Variants in DOCK11 observed in about 807,000 individuals in gnomAD.
DOCK11 encodes dedicator of cytokinesis protein 11.
DOCK11 carries 70 observed loss-of-function variants against 169.1 expected under a neutral mutation model. That is an observed-to-expected ratio of 0.41 (90% CI 0.34 to 0.51). DOCK11 has a LOEUF of 0.51. DOCK11 is among the 20% of genes least tolerant of loss of function. DOCK11 has a pLI of 0.10. For missense variants in DOCK11, 1,166 were observed against 1,538.8 expected (o/e 0.76, Z 4.05); for synonymous variants, 529 against 541.3 (o/e 0.98, Z 0.32).
intron 1 of DOCK11, among the ~76,000 whole-genome samples, chrX:118,505,333 G>C (rs890004985): frequency 3.6e-5 from 4 of 112,419 alleles, no homozygotes; most frequent in Non-Finnish European, 7.5e-5. Context: ...AGCCTTGAGT[G>C]AGTTATTATA....
At chrX:118,542,648 T>G in intron 1 of DOCK11, 77 bp from the exon 2 acceptor site, 1 of 711,149 alleles carries the variant, frequency 1.4e-6, no homozygotes, top group African/African-American at 2.1e-5. Context: ...TGAGAAGTAA[T>G]GTATCTTTAG....
chrX:118,572,419 A>C lies in DOCK11; in HGVS notation c.1132A>C (p.Ile378Leu). ...GAATTGCCATGATTTAACTTTCAATATCTTGGGCCAAATTGGAGACAATGC... is the reference window on the plus strand; with the variant it reads ...GAATTGCCATGATTTAACTTTCAATCTCTTGGGCCAAATTGGAGACAATGC... The part of the protein sequence containing the change: ...LVNCHDLTFN[I>L]LGQIGDNAKG... The change falls in exon 11 of 53, where the codon ATC becomes CTC. Residue 378 changes from isoleucine to leucine, a missense_variant. Transcript: ENST00000276202. 1 of 1,206,322 alleles carries C rather than the reference A, an allele frequency of 8.3e-7. No homozygotes were observed. The highest frequency in any genetic ancestry group is 1.1e-6 in the Non-Finnish European group (1 of 892,342).
chrX:118,558,713 CAT>C lies in DOCK11; in HGVS notation c.559-2668_559-2667del, dbSNP rs1417430980. Among the ~76,000 whole-genome samples the C allele has an allele frequency of 1.5e-4, 17 of 112,289 alleles. No individual in the cohort carries two copies. In the Admixed American group the frequency reaches 1.6e-3, roughly 11 times the overall value. ...GTTGTTGGGCAGAGTCTGATTTCTA[CAT>C]AGAGATGACTTTTAAAAATATTCCT... On this transcript the variant is annotated intron_variant, in intron 6 of 52. Coordinates refer to ENST00000276202, the MANE Select transcript of DOCK11 (RefSeq NM_144658.4).
chrX:118,682,986 C>A, intron 51 of DOCK11, 93 bp from the exon 52 acceptor site: 1 of 870,873 alleles, frequency 1.1e-6, no homozygotes, highest in Non-Finnish European at 1.6e-6. Context: ...TCTTCCTAGG[C>A]AAGCCATGGC....
chrX:118,612,106 C>G (rs2014698651), intron 28 of DOCK11, among the ~76,000 whole-genome samples: 1 of 111,951 alleles, frequency 8.9e-6, no homozygotes, highest in Non-Finnish European at 1.9e-5. Context: ...TCCATTCTCC[C>G]TCTCTTCATT....
intron 49 of DOCK11, 127 bp from the exon 50 acceptor site, chrX:118,680,931 T>C: frequency 6.0e-6 from 4 of 661,482 alleles, no homozygotes; most frequent in Non-Finnish European, 9.1e-6. Context: ...AAGTACTATA[T>C]GGGACCCTAA....
At chrX:118,617,547 A>C (rs1181753040) in intron 30 of DOCK11, among the ~76,000 whole-genome samples, 2 of 109,595 alleles carry the variant, frequency 1.8e-5, no homozygotes. Flanking sequence ...CTTATAAAGC[A>C]AGTCCCAACC....
intron 23 of DOCK11, among the ~76,000 whole-genome samples, chrX:118,600,997 A>G (rs1381626806): frequency 9.0e-6 from 1 of 111,724 alleles, no homozygotes; most frequent in Non-Finnish European, 1.9e-5. Context: ...TTTGGACAGA[A>G]GTGTGACATG....
At chrX:118,553,237 A>G (rs1410991193) in intron 6 of DOCK11, among the ~76,000 whole-genome samples, 4 of 112,140 alleles carry the variant, frequency 3.6e-5, no homozygotes, top group Admixed American at 9.5e-5. Flanking sequence ...TTTCATATCA[A>G]TGAAGGAATT....
rs145509866 is a variant in DOCK11 at position 118,676,703 on chromosome X, C to G, written c.5426C>G (p.Thr1809Arg). Residue 1809 changes from threonine (T) to arginine (R), a missense_variant, in exon 48 of 53, where the codon ACG becomes AGG. Coordinates refer to ENST00000276202, the MANE Select transcript of DOCK11 (RefSeq NM_144658.4). ...AAACTTTATGGTGAAAAGTTTGGTA[C>G]GGAGAATGTCAAAATAATTCAGGAT... ...LVKLYGEKFG[T>R]ENVKIIQDSD... 8.3e-7 allele frequency: 1 copy of G among 1,201,482 alleles called. No individual in the cohort carries two copies.
At chrX:118,606,020 A>C (rs1348397370) in intron 24 of DOCK11, among the ~76,000 whole-genome samples, 2 of 110,506 alleles carry the variant, frequency 1.8e-5, no homozygotes, top group Admixed American at 1.9e-4. Context: ...TCAATATAGC[A>C]GCCACCAGCC....
chrX:118,547,289 G>T (rs945767666), intron 6 of DOCK11, among the ~76,000 whole-genome samples: 3 of 111,545 alleles, frequency 2.7e-5, no homozygotes, highest in Non-Finnish European at 5.7e-5. Flanking sequence ...AGAAACCGTG[G>T]GTATCTACCA....
At chrX:118,583,446 C>T (rs1217882568) in intron 14 of DOCK11, among the ~76,000 whole-genome samples, 2 of 110,543 alleles carry the variant, frequency 1.8e-5, no homozygotes, top group Admixed American at 9.6e-5. Context: ...TTTATATATA[C>T]ACACATATAT....
Position 118,552,544 on chromosome X carries a change from G to T in DOCK11, c.558+6428G>T, listed in dbSNP as rs113405075. ...TAATCTGTACCACCTTCTGAAATGG[G>T]CATATTTTCCCAGAAGTGCTTGCTG... On this transcript the variant is annotated intron_variant, in intron 6 of 52. Coordinates refer to ENST00000276202, the MANE Select transcript of DOCK11 (RefSeq NM_144658.4). Among the ~76,000 whole-genome samples the T allele has an allele frequency of 4.8e-3, 544 of 112,483 alleles. 4 individuals are homozygous for T. The highest frequency in any genetic ancestry group is 0.016 in the African/African-American group (489 of 31,044).
chrX:118,637,861 T>C (rs1001326298), intron 36 of DOCK11, among the ~76,000 whole-genome samples: 1 of 111,677 alleles, frequency 9.0e-6, no homozygotes, highest in Non-Finnish European at 1.9e-5. Context: ...TCATTAAAAT[T>C]GTATATGAAA....
chrX:118,624,790 G>A (rs1270137030), intron 32 of DOCK11, 135 bp downstream of exon 32: 8 of 403,850 alleles, frequency 2.0e-5, no homozygotes, highest in South Asian at 1.7e-4. Context: ...CCAGAGTCTC[G>A]CTCTATCACC....
intron 6 of DOCK11, among the ~76,000 whole-genome samples, chrX:118,556,974 A>G (rs2012718870): frequency 9.0e-6 from 1 of 111,625 alleles, no homozygotes; most frequent in Admixed American, 9.5e-5. Context: ...AATAAAGACG[A>G]GGAGGAGGAG....
In DOCK11 at chrX:118,605,336, C is replaced by T. The variant is rs374380710; in HGVS notation, c.2661C>T (p.Asp887=). The T allele has an allele frequency of 1.5e-5, 18 of 1,180,530 alleles. No homozygotes were observed. In the African/African-American group the frequency reaches 1.9e-4, roughly 13 times the overall value. The stretch of plus-strand genomic sequence containing the variant: ...TCACAAATATGACCCATGAAGATGA[C>T]GTTCCTATCAACTGCACCATGTGAG... The part of the protein sequence containing the change: ...RVLTNMTHED[D]VPINCTMVLL... Residue 887 remains aspartate (D), a synonymous_variant, in exon 24 of 53, where the codon GAC becomes GAT. Coordinates refer to ENST00000276202, the MANE Select transcript of DOCK11 (RefSeq NM_144658.4).
intron 48 of DOCK11, 80 bp from the exon 49 acceptor site, chrX:118,680,402 A>T (rs2016714688): frequency 1.8e-6 from 1 of 560,772 alleles, no homozygotes; most frequent in Non-Finnish European, 2.5e-6. Flanking sequence ...TTAGTAGGTT[A>T]CCTTATCTCC....
Sources: gnomAD v4.1 joint callset for allele counts (sites outside exome capture counted in the v4.1 genomes callset) on GRCh38, gnomAD v4.1.1 for gene constraint, MANE v1.5 for transcripts, NCBI Gene and HGNC (gene_info 2026-07-23, HGNC 2026-07-21) for gene names.